The following PAQR9 variants were observed in gnomAD, a reference collection of about 807,000 sequenced individuals.
PAQR9 encodes membrane progestin receptor epsilon.
In PAQR9, 12 loss-of-function variants were observed where a neutral mutation model predicts 24.0. The observed-to-expected ratio is 0.50, with a 90% CI of 0.32 to 0.81. The LOEUF is 0.81. Ranked by LOEUF, PAQR9 falls within the 30% of genes least tolerant of loss-of-function variation. The pLI is 0.03. For synonymous variants in PAQR9, 266 were observed against 237.6 expected (o/e 1.12, Z -1.10); for missense variants, 418 against 520.8 (o/e 0.80, Z 1.92).
At chr3:142,963,935 G>A, upstream of PAQR9, 1 of 969,236 alleles carries the variant, frequency 1.0e-6, no homozygotes. Flanking sequence ...CGACGCGGCG[G>A]CGCGCGCGCC....
chr3:142,963,367 G>A lies in PAQR9; in HGVS notation c.-31C>T. The A allele has an allele frequency of 8.5e-7, 1 of 1,176,888 alleles. No homozygotes were observed. The highest frequency in any genetic ancestry group is 4.3e-5 in the South Asian group (1 of 23,526). 72.9% of individuals were successfully genotyped at this position (1,176,888 alleles called of 1,614,324 possible). A position where few individuals can be genotyped will look rare whatever the true frequency, so the allele number is the denominator to read the frequency against. On this transcript the variant is annotated 5_prime_UTR_variant, in exon 1 of 1. Coordinates refer to ENST00000340634, the MANE Select transcript of PAQR9 (RefSeq NM_198504.4). Reference sequence around the variant, plus strand: ...CCGGGGCTCGGCTAGGGCGCGCGCAGGCGACCTCTGGCGCCGGCTCCCGGG... The same window carrying A: ...CCGGGGCTCGGCTAGGGCGCGCGCAAGCGACCTCTGGCGCCGGCTCCCGGG...
chr3:142,952,925 G>A (rs1192227457), downstream of PAQR9: 6 of 453,992 alleles, frequency 1.3e-5, no homozygotes, highest in Non-Finnish European at 2.7e-5. Context: ...GTATGGGAAC[G>A]TGAATCTAAA....
chr3:142,961,345 G>T lies in PAQR9; in HGVS notation c.*858C>A, dbSNP rs966167571. 1 of 152,506 alleles carries T rather than the reference G, an allele frequency of 6.6e-6. No homozygotes were observed. Among genetic ancestry groups the T allele is most frequent in the Non-Finnish European group, 1.5e-5 (1 of 68,018 alleles). The allele number at this position is 152,506 out of a possible 1,614,324, so 9.4% of individuals were successfully genotyped here. On this transcript the variant is annotated 3_prime_UTR_variant, in exon 1 of 1. Transcript: ENST00000340634. ...AACAAAAACCAGGATGGGTTTTGTG[G>T]AATACATTAAAGTAAACAAAAATCT...
downstream of PAQR9, among the ~76,000 whole-genome samples, chr3:142,951,079 TTTTA>T (rs1460712351): frequency 6.6e-6 from 1 of 152,180 alleles, no homozygotes; most frequent in Admixed American, 6.5e-5. Flanking sequence ...TTTTAGTTAT[TTTTA>T]TTTTTTAATT....
rs1478593074 is a variant in PAQR9 at position 142,963,119 on chromosome 3, C to G, written c.218G>C (p.Cys73Ser). The G allele has an allele frequency of 1.2e-6, 2 of 1,613,410 alleles. No homozygotes were observed. Among genetic ancestry groups the G allele is most frequent in the Non-Finnish European group, 1.7e-6 (2 of 1,179,662 alleles). ...GGTAGGCTTCAGCACCGAGGCTAGG[C>G]ACTCCTGGGCCGTGCACGGCAGACG... is the stretch of plus-strand genomic sequence containing the variant. ...YRRLPCTAQE[C>S]LASVLKPTNE... Residue 73 changes from cysteine (C) to serine (S), a missense_variant, in exon 1 of 1, where the codon TGC becomes TCC. Transcript: ENST00000340634.
chr3:142,963,361 C>G lies in PAQR9; in HGVS notation c.-25G>C, dbSNP rs1934951368. On this transcript the variant is annotated 5_prime_UTR_variant, in exon 1 of 1. Coordinates refer to ENST00000340634, the MANE Select transcript of PAQR9 (RefSeq NM_198504.4). ...TGGTGCCCGGGGCTCGGCTAGGGCG[C>G]GCGCAGGCGACCTCTGGCGCCGGCT... The G allele has an allele frequency of 1.7e-6, 2 of 1,197,900 alleles. No individual in the cohort carries two copies. Among genetic ancestry groups the G allele is most frequent in the Non-Finnish European group, 2.1e-6 (2 of 967,164 alleles). 74.2% of individuals were successfully genotyped at this position (1,197,900 alleles called of 1,614,324 possible).
At position 142,963,446 on chromosome 3, in the gene PAQR9, C is replaced by T; in HGVS notation, c.-110G>A. On this transcript the variant is annotated 5_prime_UTR_variant, in exon 1 of 1. Coordinates refer to ENST00000340634, the MANE Select transcript of PAQR9 (RefSeq NM_198504.4). Reference sequence around the variant, plus strand: ...GGAGCCTTTGTGCCCACGCCGGGGGCGTCGCTGCAGGTTTAGGAGAAGACC... The same window carrying T: ...GGAGCCTTTGTGCCCACGCCGGGGGTGTCGCTGCAGGTTTAGGAGAAGACC... 1 of 1,047,416 alleles carries T rather than the reference C, an allele frequency of 9.5e-7. No individual in the cohort carries two copies. The highest frequency in any genetic ancestry group is 1.1e-6 in the Non-Finnish European group (1 of 872,818). 64.9% of individuals were successfully genotyped at this position (1,047,416 alleles called of 1,614,324 possible). A position where few individuals can be genotyped will look rare whatever the true frequency, so the allele number is the denominator to read the frequency against.
downstream of PAQR9, chr3:142,952,657 T>A: frequency 2.4e-6 from 1 of 415,516 alleles, no homozygotes; most frequent in Admixed American, 2.6e-5. Flanking sequence ...AGTTACTTTG[T>A]TTGGCCCCAC....
downstream of PAQR9, among the ~76,000 whole-genome samples, chr3:142,954,284 G>A (rs549614620): frequency 2.8e-4 from 42 of 152,246 alleles, no homozygotes; most frequent in African/African-American, 8.9e-4. Flanking sequence ...TTGAAAAACA[G>A]AAAGGTGGAA....
chr3:142,963,245 G>C lies in PAQR9; in HGVS notation c.92C>G (p.Ser31Cys). The C allele has an allele frequency of 6.5e-7, 1 of 1,540,898 alleles. No homozygotes were observed. Among genetic ancestry groups the C allele is most frequent in the African/African-American group, 1.4e-5 (1 of 73,050 alleles). The stretch of plus-strand genomic sequence containing the variant: ...CGCTGGGGGGTCCCGGGAGGCGGCA[G>C]AGTGGGAGTTCCGGGCGGCCCCCGA... ...AASGAARNSHSAASRDPPASA... is the reference protein window; with the variant it reads ...AASGAARNSHCAASRDPPASA... The change falls in exon 1 of 1, where the codon TCT (serine) becomes TGT (cysteine). Residue 31 changes from serine (S) to cysteine (C), a missense_variant. Transcript: ENST00000340634.
chr3:142,954,142 A>G (rs1484730240), downstream of PAQR9, among the ~76,000 whole-genome samples: 1 of 152,226 alleles, frequency 6.6e-6, no homozygotes, highest in Non-Finnish European at 1.5e-5. Context: ...AGCCATCACC[A>G]CAAAGTTTAA....
rs866250 is a variant in PAQR9, at chr3:142,955,574, G to A, written c.*6629C>T. 7.0e-6 allele frequency among the ~76,000 whole-genome samples: 1 copy of A among 142,894 alleles called. No individual in the cohort carries two copies. Among genetic ancestry groups the A allele is most frequent in the Admixed American group, 7.3e-5 (1 of 13,710 alleles). 93.7% of individuals were successfully genotyped at this position (142,894 alleles called of 152,430 possible). ...GGCTTATTCTTCTTTCTATTCTGAA[G>A]AAACAAGGGACAGAGTTCCAGGGCT... On this transcript the variant is annotated 3_prime_UTR_variant, in exon 1 of 1. Coordinates refer to ENST00000340634, the MANE Select transcript of PAQR9 (RefSeq NM_198504.4).
Position 142,963,356 on chromosome 3 carries a change from G to C in PAQR9, c.-20C>G, listed in dbSNP as rs1375704722. ...CGGCATGGTGCCCGGGGCTCGGCTA[G>C]GGCGCGCGCAGGCGACCTCTGGCGC... On this transcript the variant is annotated 5_prime_UTR_variant, in exon 1 of 1. Transcript: ENST00000340634. 6 of 1,207,000 alleles carry C rather than the reference G, an allele frequency of 5.0e-6. No individual in the cohort carries two copies. The highest frequency in any genetic ancestry group is 6.2e-6 in the Non-Finnish European group (6 of 973,210). The allele number at this position is 1,207,000 out of a possible 1,614,324, so 74.8% of individuals were successfully genotyped here.
At chr3:142,950,542 T>C, downstream of PAQR9, 1 of 445,328 alleles carries the variant, frequency 2.2e-6, no homozygotes, top group South Asian at 1.6e-5. Context: ...CAGTCAATAT[T>C]CTTTCATTAC....
rs1453316087 is a variant in PAQR9, at chr3:142,960,264, T to G, written c.*1939A>C. The G allele has an allele frequency of 6.6e-6, 1 of 152,168 alleles. No individual in the cohort carries two copies. Among genetic ancestry groups the G allele is most frequent in the African/African-American group, 2.4e-5 (1 of 41,440 alleles). 9.4% of individuals were successfully genotyped at this position (152,168 alleles called of 1,614,324 possible). A position where few individuals can be genotyped will look rare whatever the true frequency, so the allele number is the denominator to read the frequency against. Reference sequence around the variant, plus strand: ...CTGAGCTTCTCTGTTTACAGAGAAGTGATTAAAAGCATAAACAAAACCAGC... The same window carrying G: ...CTGAGCTTCTCTGTTTACAGAGAAGGGATTAAAAGCATAAACAAAACCAGC... On this transcript the variant is annotated 3_prime_UTR_variant, in exon 1 of 1. Coordinates refer to ENST00000340634, the MANE Select transcript of PAQR9 (RefSeq NM_198504.4).
Position 142,962,086 on chromosome 3 carries a change from C to T in PAQR9, c.*117G>A. 1 of 1,234,702 alleles carries T rather than the reference C, an allele frequency of 8.1e-7. No individual in the cohort carries two copies. Among genetic ancestry groups the T allele is most frequent in the Non-Finnish European group, 1.1e-6 (1 of 881,164 alleles). 76.5% of individuals were successfully genotyped at this position (1,234,702 alleles called of 1,614,324 possible). On this transcript the variant is annotated 3_prime_UTR_variant, in exon 1 of 1. Transcript: ENST00000340634. ...AGTGAACTTTTTCCCTATGGTTTTG[C>T]AGCACCTTCCTTGAGCAAAGAAGAA...
In PAQR9 at chr3:142,963,189, C is replaced by T. The variant is rs1294744815; in HGVS notation, c.148G>A (p.Val50Met). The stretch of plus-strand genomic sequence containing the variant: ...AAGCACTCCACGAAGTCGTCGGGCA[C>T]CTCGTCCCAGCGCAGCAGCGGCTTG... ...SAKPLLRWDE[V>M]PDDFVECFIL... The change falls in exon 1 of 1, where the codon GTG becomes ATG. Residue 50 changes from valine (V) to methionine (M), a missense_variant. Val to Met is a conservative substitution (Grantham distance 21). Around this residue, in one of 3 missense-constraint regions of PAQR9, gnomAD observed 180 missense variants for 190.3 expected, o/e 0.95. Coordinates refer to ENST00000340634, the MANE Select transcript of PAQR9 (RefSeq NM_198504.4). 4.2e-5 allele frequency: 66 copies of T among 1,584,462 alleles called. No individual in the cohort carries two copies. Among genetic ancestry groups the T allele is most frequent in the Non-Finnish European group, 5.5e-5 (64 of 1,165,816 alleles).
rs1934893260 is a variant in PAQR9 at position 142,961,736 on chromosome 3, C to T, written c.*467G>A. 6.2e-6 allele frequency: 1 copy of T among 161,444 alleles called. No homozygotes were observed. Among genetic ancestry groups the T allele is most frequent in the Non-Finnish European group, 1.4e-5 (1 of 72,952 alleles). 10.0% of individuals were successfully genotyped at this position (161,444 alleles called of 1,614,324 possible). ...TGGGTTTGCGTCTTTGTGCCTGTTT[C>T]CTACAAAGCTCCATTCTTTTGACAA... On this transcript the variant is annotated 3_prime_UTR_variant, in exon 1 of 1. Coordinates refer to ENST00000340634, the MANE Select transcript of PAQR9 (RefSeq NM_198504.4).
At chr3:142,949,407 G>A (rs1413129315) in exon 3 of PAQR9, 1 of 152,218 alleles carries the variant, frequency 6.6e-6, no homozygotes, top group African/African-American at 2.4e-5. Flanking sequence ...TCATCCTGAA[G>A]TAGTAAAGTA....
Sources: gnomAD v4.1 joint callset for allele counts (sites outside exome capture counted in the v4.1 genomes callset) on GRCh38, gnomAD v4.1.1 for gene constraint, gnomAD v4.1.1 regional missense constraint, MANE v1.5 for transcripts, NCBI Gene and HGNC (gene_info 2026-07-23, HGNC 2026-07-21) for gene names.